ERI3: variants seen among roughly 807,000 people sequenced by gnomAD.
The protein encoded by ERI3 is ERI1 exoribonuclease family member 3, also known as ERI1 exoribonuclease 3.
A neutral mutation model predicts 44.4 loss-of-function variants in ERI3; 18 were observed. The ratio of observed to expected loss-of-function variants is 0.41; its 90% confidence interval spans 0.28 to 0.60. The LOEUF is 0.60. Ranked by LOEUF, ERI3 falls within the 20% of genes least tolerant of loss-of-function variation. The pLI is 0.36. For missense variants in ERI3, 294 were observed against 435.5 expected, an observed-to-expected ratio of 0.68 and a Z score of 2.89; for synonymous variants, 183 against 164.8, an observed-to-expected ratio of 1.11 and a Z score of -0.84.
At chr1:44,259,580 G>A (rs895827509) in intron 7 of ERI3, among the ~76,000 whole-genome samples, 1 of 151,944 alleles carries the variant, frequency 6.6e-6, no homozygotes, top group African/African-American at 2.4e-5. Flanking sequence ...AGTGGCTCAT[G>A]CCTATAATCC....
chr1:44,245,776 C>T (rs1002886016), intron 8 of ERI3, among the ~76,000 whole-genome samples: 3 of 152,194 alleles, frequency 2.0e-5, no homozygotes, highest in African/African-American at 7.2e-5. Flanking sequence ...CTCACACACA[C>T]ACCCTGGGAT....
intron 7 of ERI3, among the ~76,000 whole-genome samples, chr1:44,284,351 C>A (rs1032906847): frequency 6.6e-6 from 1 of 152,094 alleles, no homozygotes; most frequent in Non-Finnish European, 1.5e-5. Context: ...ATGAGCCAGG[C>A]TCTCCTGGAG....
intron 2 of ERI3, among the ~76,000 whole-genome samples, chr1:44,344,467 G>GA (rs1646746210): frequency 6.6e-6 from 1 of 151,998 alleles, no homozygotes; most frequent in South Asian, 2.1e-4. Flanking sequence ...GTTTCCATCA[G>GA]AAGAGCCCCT....
intron 3 of ERI3, among the ~76,000 whole-genome samples, chr1:44,336,529 C>T (rs1646538382): frequency 7.6e-6 from 1 of 131,678 alleles, no homozygotes; most frequent in South Asian, 2.7e-4. Flanking sequence ...CACTCAAATC[C>T]ATCACTATGT....
chr1:44,232,923 C>T (rs139841733), intron 8 of ERI3, among the ~76,000 whole-genome samples: 3 of 152,286 alleles, frequency 2.0e-5, no homozygotes, highest in African/African-American at 2.4e-5. Flanking sequence ...GTCCTAGCAA[C>T]GTAACTGACA....
intron 5 of ERI3, among the ~76,000 whole-genome samples, chr1:44,310,963 G>GCGCA (rs1373873768): frequency 1.6e-5 from 2 of 123,202 alleles, no homozygotes; most frequent in Non-Finnish European, 3.4e-5. Context: ...GCGCGCGCGC[G>GCGCA]CACACACACA....
intron 8 of ERI3, among the ~76,000 whole-genome samples, chr1:44,238,716 G>A (rs1192373561): frequency 6.6e-6 from 1 of 151,886 alleles, no homozygotes; most frequent in African/African-American, 2.4e-5. Flanking sequence ...TATTCACAGC[G>A]AGAGTATAGG....
intron 6 of ERI3, among the ~76,000 whole-genome samples, chr1:44,296,327 T>C (rs918386582): frequency 1.3e-5 from 2 of 152,144 alleles, no homozygotes; most frequent in Admixed American, 6.5e-5. Context: ...ATAAATATTG[T>C]ATGAGAGGGG....
At chr1:44,259,687 C>T (rs991073273) in intron 7 of ERI3, among the ~76,000 whole-genome samples, 1 of 101,778 alleles carries the variant, frequency 9.8e-6, no homozygotes, top group Admixed American at 1.1e-4. Flanking sequence ...ACAAAACACA[C>T]AGACACACAC....
At chr1:44,300,470 T>C (rs868674864) in intron 6 of ERI3, among the ~76,000 whole-genome samples, 1 of 152,138 alleles carries the variant, frequency 6.6e-6, no homozygotes, top group African/African-American at 2.4e-5. Flanking sequence ...CCAGTCCCCA[T>C]TGAGGCACAA....
intron 7 of ERI3, among the ~76,000 whole-genome samples, chr1:44,249,773 C>A (rs1361476503): frequency 6.6e-6 from 1 of 152,110 alleles, no homozygotes; most frequent in Admixed American, 6.5e-5. Flanking sequence ...CCAGAGGAGC[C>A]GCTGAGCCTG....
At chr1:44,258,978 G>T (rs968750189) in intron 7 of ERI3, among the ~76,000 whole-genome samples, 1 of 152,088 alleles carries the variant, frequency 6.6e-6, no homozygotes, top group African/African-American at 2.4e-5. Context: ...GGTCAAATCA[G>T]TCTTCACTCT....
intron 6 of ERI3, among the ~76,000 whole-genome samples, chr1:44,301,524 T>C (rs1369384762): frequency 6.6e-6 from 1 of 152,156 alleles, no homozygotes; most frequent in East Asian, 1.9e-4. Context: ...GCCACCTGGA[T>C]AGGACCCAAA....
At chr1:44,268,604 C>T (rs1460146082) in intron 7 of ERI3, among the ~76,000 whole-genome samples, 1 of 152,178 alleles carries the variant, frequency 6.6e-6, no homozygotes, top group African/African-American at 2.4e-5. Flanking sequence ...GTAAGGCACC[C>T]AAGCTCAAAC....
intron 6 of ERI3, among the ~76,000 whole-genome samples, chr1:44,299,607 T>C (rs1461365560): frequency 1.3e-5 from 2 of 152,154 alleles, no homozygotes; most frequent in Non-Finnish European, 2.9e-5. Context: ...GGTTCCTTCT[T>C]GGAGCTTGGG....
At chr1:44,264,875 G>A (rs1425464793) in intron 7 of ERI3, among the ~76,000 whole-genome samples, 1 of 152,202 alleles carries the variant, frequency 6.6e-6, no homozygotes, top group Admixed American at 6.5e-5. Context: ...GGTGAGTTAA[G>A]TACAAAGAAA....
At chr1:44,323,698 A>T (rs1314093867) in intron 3 of ERI3, among the ~76,000 whole-genome samples, 1 of 152,216 alleles carries the variant, frequency 6.6e-6, no homozygotes, top group African/African-American at 2.4e-5. Context: ...AATAGGAATG[A>T]TCTCATTTAA....
intron 6 of ERI3, among the ~76,000 whole-genome samples, chr1:44,287,450 A>G (rs930056884): frequency 1.3e-5 from 2 of 152,236 alleles, no homozygotes; most frequent in African/African-American, 4.8e-5. Flanking sequence ...CAGGCAGTGT[A>G]TAGTAAGGAT....
intron 7 of ERI3, among the ~76,000 whole-genome samples, chr1:44,262,176 A>G (rs1572139715): frequency 6.6e-6 from 1 of 151,718 alleles, no homozygotes; most frequent in Non-Finnish European, 1.5e-5. Flanking sequence ...AAGGACAATA[A>G]CCCCCACTGG....
Sources: gnomAD v4.1 joint callset for allele counts (sites outside exome capture counted in the v4.1 genomes callset) on GRCh38, gnomAD v4.1.1 for gene constraint, MANE v1.5 for transcripts, NCBI Gene and HGNC (gene_info 2026-07-23, HGNC 2026-07-21) for gene names.